EVI5L: variants seen among roughly 807,000 people sequenced by gnomAD.
The protein encoded by EVI5L is ecotropic viral integration site 5 like, also known as EVI5-like protein.
Under a neutral mutation model 106.1 loss-of-function variants are expected in EVI5L, and 30 were observed. The observed-to-expected ratio is 0.28, with a 90% CI of 0.21 to 0.38. The LOEUF is 0.38. EVI5L is among the 10% of genes least tolerant of loss of function. EVI5L has a pLI of 1.00. For synonymous variants in EVI5L, 489 were observed against 483.3 expected, an observed-to-expected ratio of 1.01 and a Z score of -0.15; for missense variants, 809 against 1,098.0, an observed-to-expected ratio of 0.74 and a Z score of 3.72.
chr19:7,857,702 GA>G lies in EVI5L; in HGVS notation c.1234-483del. On this transcript the variant is annotated intron_variant, in intron 12 of 19. Coordinates refer to ENST00000538904, the MANE Select transcript of EVI5L (RefSeq NM_001159944.3). The surrounding 1 kb of genome is among the most constrained non-coding windows in gnomAD (Gnocchi z 4.5). ...GGTAGGGGACAAAGATGAGGTGGGG[GA>G]AAAAAGGGGGTCTTAGCTCCAGGCA... The G allele has an allele frequency of 5.6e-6, 1 of 178,134 alleles. No homozygotes were observed. Among genetic ancestry groups the G allele is most frequent in the Non-Finnish European group, 1.2e-5 (1 of 84,114 alleles). The allele number at this position is 178,134 out of a possible 1,614,324, so 11.0% of individuals were successfully genotyped here.
rs529937515 is a variant in EVI5L at position 7,848,289 on chromosome 19, T to A, written c.327+368T>A. Reference sequence around the variant, plus strand: ...GCAACGTAATGAGACTCCGACTCTATAAAAAGTTTAAAAATTAGCCAGGTA... The same window carrying A: ...GCAACGTAATGAGACTCCGACTCTAAAAAAAGTTTAAAAATTAGCCAGGTA... On this transcript the variant is annotated intron_variant, in intron 3 of 19. Coordinates refer to ENST00000538904, the MANE Select transcript of EVI5L (RefSeq NM_001159944.3). This position sits in a 1 kb window ranked among gnomAD's most constrained non-coding sequence, Gnocchi z 4.8. Among the ~76,000 whole-genome samples the A allele has an allele frequency of 6.6e-6, 1 of 151,750 alleles. No homozygotes were observed. Among genetic ancestry groups the A allele is most frequent in the Non-Finnish European group, 1.5e-5 (1 of 67,892 alleles).
Position 7,857,098 on chromosome 19 carries a change from G to A in EVI5L, c.1207G>A (p.Ala403Thr), listed in dbSNP as rs1214828066. 24 of 1,551,690 alleles carry A rather than the reference G, an allele frequency of 1.5e-5. No individual in the cohort carries two copies. The Admixed American group carries it at 2.2e-4, about 14-fold the overall frequency. ...AACCCCCTTCGCCGGGTAGGAGAGCGCTGCTCTGGCTGATAGGTTAATCCA... is the reference window on the plus strand; with the variant it reads ...AACCCCCTTCGCCGGGTAGGAGAGCACTGCTCTGGCTGATAGGTTAATCCA... ...QRIETLEKES[A>T]ALADRLIQGQ... The change falls in exon 12 of 20, where the codon GCT (alanine) becomes ACT (threonine). Residue 403 changes from alanine (A) to threonine (T), a missense_variant. Coordinates refer to ENST00000538904, the MANE Select transcript of EVI5L (RefSeq NM_001159944.3). This position sits in a 1 kb window ranked among gnomAD's most constrained non-coding sequence, Gnocchi z 4.5.
chr19:7,850,936 G>C lies in EVI5L; in HGVS notation c.754-498G>C, dbSNP rs1408212056. ...GTCTGCCACTTTCTGGCTGTCTAGA[G>C]TTCAGGCCAATCCAACACAGCTTGC... is the stretch of plus-strand genomic sequence containing the variant. On this transcript the variant is annotated intron_variant, in intron 6 of 19. Coordinates refer to ENST00000538904, the MANE Select transcript of EVI5L (RefSeq NM_001159944.3). This position sits in a 1 kb window ranked among gnomAD's most constrained non-coding sequence, Gnocchi z 5.4. Among the ~76,000 whole-genome samples, 1 of 152,174 alleles carries C rather than the reference G, an allele frequency of 6.6e-6. No homozygotes were observed. The highest frequency in any genetic ancestry group is 2.4e-5 in the African/African-American group (1 of 41,442).
In EVI5L at chr19:7,856,774, T is replaced by A. The variant is rs1471308666; in HGVS notation, c.1201-318T>A. Among the ~76,000 whole-genome samples, 1 of 152,090 alleles carries A rather than the reference T, an allele frequency of 6.6e-6. No individual in the cohort carries two copies. The highest frequency in any genetic ancestry group is 6.5e-5 in the Admixed American group (1 of 15,272). On this transcript the variant is annotated intron_variant, in intron 11 of 19. Coordinates refer to ENST00000538904, the MANE Select transcript of EVI5L (RefSeq NM_001159944.3). The surrounding 1 kb of genome is among the most constrained non-coding windows in gnomAD (Gnocchi z 6.6). ...AAGTCCCCCTGCCCCCCACAGTTTT[T>A]CCAGCCAGCAGCGGCCCGGCTGACC...
chr19:7,840,053 T>C (rs1032626775), intron 1 of EVI5L, among the ~76,000 whole-genome samples: 1 of 151,904 alleles, frequency 6.6e-6, no homozygotes, highest in Non-Finnish European at 1.5e-5. Context: ...CCAGAGTGGG[T>C]GGGTGGAGGT....
At position 7,856,167 on chromosome 19, in the gene EVI5L, T is replaced by C. The variant is rs1979513523; in HGVS notation, c.1200+99T>C. 1 of 1,175,452 alleles carries C rather than the reference T, an allele frequency of 8.5e-7. No individual in the cohort carries two copies. Among genetic ancestry groups the C allele is most frequent in the African/African-American group, 1.6e-5 (1 of 63,666 alleles). The allele number at this position is 1,175,452 out of a possible 1,614,324, so 72.8% of individuals were successfully genotyped here. ...CTGGGGTGGACTCCTCCAAGTCTTCTCCTCTCTGGAGGACTAAGCAGCCCT... is the reference window on the plus strand; with the variant it reads ...CTGGGGTGGACTCCTCCAAGTCTTCCCCTCTCTGGAGGACTAAGCAGCCCT... On this transcript the variant is annotated intron_variant, in intron 11 of 19. Coordinates refer to ENST00000538904, the MANE Select transcript of EVI5L (RefSeq NM_001159944.3). This position sits in a 1 kb window ranked among gnomAD's most constrained non-coding sequence, Gnocchi z 6.6.
chr19:7,845,767 A>G lies in EVI5L; in HGVS notation c.-47-729A>G, dbSNP rs1327902593. Among the ~76,000 whole-genome samples, 3 of 152,168 alleles carry G rather than the reference A, an allele frequency of 2.0e-5. No individual in the cohort carries two copies. Among genetic ancestry groups the G allele is most frequent in the Non-Finnish European group, 4.4e-5 (3 of 68,018 alleles). On this transcript the variant is annotated intron_variant, in intron 1 of 19. Coordinates refer to ENST00000538904, the MANE Select transcript of EVI5L (RefSeq NM_001159944.3). The surrounding 1 kb of genome is among the most constrained non-coding windows in gnomAD (Gnocchi z 4.0). ...CCCCAGAAGGGTCGGGCCAGATGAC[A>G]CGGCAAAAAGATAGGAGAGATGTGC...
chr19:7,843,644 G>A (rs36187195), intron 1 of EVI5L, among the ~76,000 whole-genome samples: 5 of 139,728 alleles, frequency 3.6e-5, no homozygotes, highest in Admixed American at 7.1e-5. Flanking sequence ...GGTGTGTGTC[G>A]AGTGTGTGCA....
Position 7,850,191 on chromosome 19 carries a change from G to A in EVI5L, c.753+69G>A, listed in dbSNP as rs751471380. The A allele has an allele frequency of 2.6e-6, 4 of 1,539,254 alleles. No individual in the cohort carries two copies. The highest frequency in any genetic ancestry group is 1.2e-5 in the South Asian group (1 of 83,394). On this transcript the variant is annotated intron_variant, in intron 6 of 19. Transcript: ENST00000538904. This position sits in a 1 kb window ranked among gnomAD's most constrained non-coding sequence, Gnocchi z 5.4. The stretch of plus-strand genomic sequence containing the variant: ...CACAGGTGGGCAGGGCCGCAAGGGA[G>A]CAGGATCGCAGAAGGGCAGGGCTGG...
intron 17 of EVI5L, among the ~76,000 whole-genome samples, 153 bp from the exon 18 acceptor site, chr19:7,862,819 T>TTGCCCGCGGTCCCGCCCC (rs1462645900): frequency 2.6e-5 from 1 of 38,678 alleles, no homozygotes; most frequent in African/African-American, 1.1e-4. Flanking sequence ...CGCACCTCCC[T>TTGCCCGCGGTCCCGCCCC]TGCCCGCGGT....
At chr19:7,847,596 A>AG in intron 2 of EVI5L, 136 bp from the exon 3 acceptor site, 1 of 693,000 alleles carries the variant, frequency 1.4e-6, no homozygotes, top group Non-Finnish European at 2.1e-6. Context: ...AAAGAAGAAG[A>AG]AAAAAAAAAG....
intron 1 of EVI5L, among the ~76,000 whole-genome samples, chr19:7,834,863 C>T (rs748091447): frequency 5.9e-5 from 9 of 152,150 alleles, no homozygotes; most frequent in Non-Finnish European, 1.2e-4. Context: ...CAGTGGCTCA[C>T]GCCTATAATC....
At chr19:7,843,384 A>AT (rs1978770211) in intron 1 of EVI5L, among the ~76,000 whole-genome samples, 1 of 24,924 alleles carries the variant, frequency 4.0e-5, no homozygotes, top group South Asian at 1.8e-3. Context: ...GGGTGTGTCG[A>AT]GTGTGTGCAT....
At chr19:7,844,883 C>A (rs891910402) in intron 1 of EVI5L, among the ~76,000 whole-genome samples, 3 of 152,192 alleles carry the variant, frequency 2.0e-5, no homozygotes. Context: ...AATGGCGCAC[C>A]TCCCCCAACC....
chr19:7,856,854 G>GCACCCCCGACCT lies in EVI5L; in HGVS notation c.1201-236_1201-225dup. 1 of 685,952 alleles carries GCACCCCCGACCT rather than the reference G, an allele frequency of 1.5e-6. No homozygotes were observed. Among genetic ancestry groups the GCACCCCCGACCT allele is most frequent in the Non-Finnish European group, 2.7e-6 (1 of 375,254 alleles). 42.5% of individuals were successfully genotyped at this position (685,952 alleles called of 1,614,324 possible). On this transcript the variant is annotated intron_variant, in intron 11 of 19. Transcript: ENST00000538904. The surrounding 1 kb of genome is among the most constrained non-coding windows in gnomAD (Gnocchi z 6.6). ...CCTGCGGCCTCCCCCACAGCCGCGG[G>GCACCCCCGACCT]CACCCCCGACCTCCCCGCTCACACC...
chr19:7,855,518 A>G (rs1378577934), intron 10 of EVI5L, among the ~76,000 whole-genome samples: 2 of 152,256 alleles, frequency 1.3e-5, no homozygotes, highest in African/African-American at 2.4e-5. Context: ...TCAGCAGGTC[A>G]TGGGAATGTA....
chr19:7,836,345 TG>T (rs1331746331), intron 1 of EVI5L, among the ~76,000 whole-genome samples: 1 of 152,240 alleles, frequency 6.6e-6, no homozygotes, highest in African/African-American at 2.4e-5. Context: ...GACTGAAAGA[TG>T]CATCATATGT....
chr19:7,849,847 G>A (rs887069224), intron 5 of EVI5L, 150 bp from the exon 6 acceptor site: 2 of 657,782 alleles, frequency 3.0e-6, no homozygotes, highest in Admixed American at 5.7e-5. Context: ...CAGCTTGTGA[G>A]GACACAGGGA....
At position 7,858,312 on chromosome 19, in the gene EVI5L, G is replaced by A. The variant is rs1256893246; in HGVS notation, c.1355G>A (p.Arg452Gln). The A allele has an allele frequency of 5.8e-6, 9 of 1,547,712 alleles. No individual in the cohort carries two copies. The highest frequency in any genetic ancestry group is 2.0e-5 in the Admixed American group (1 of 51,018). Residue 452 changes from arginine to glutamine, a missense_variant, in exon 13 of 20, where the codon CGG (arginine) becomes CAG (glutamine). Arg to Gln is a conservative substitution (Grantham distance 43). Around this residue, in one of 2 missense-constraint regions of EVI5L, gnomAD observed 452 missense variants for 509.9 expected, o/e 0.89. Transcript: ENST00000538904. The surrounding 1 kb of genome is among the most constrained non-coding windows in gnomAD (Gnocchi z 5.7). ...EDLQKAQSTI[R>Q]QLQEQQENPR... ...CTGCAGAAGGCACAGAGCACCATCC[G>A]GCAGCTACAGGAGCAGCAGGTAGGG...
Sources: allele counts gnomAD v4.1 joint callset (sites outside exome capture counted in the v4.1 genomes callset), GRCh38; gene constraint gnomAD v4.1.1; regional missense constraint gnomAD v4.1.1; non-coding constraint Gnocchi (gnomAD v3.1); transcripts MANE v1.5; gene names NCBI Gene and HGNC (gene_info 2026-07-23, HGNC 2026-07-21).